Variants in ASH1L observed in about 807,000 individuals in gnomAD.
ASH1L encodes ASH1 like histone lysine methyltransferase.
In ASH1L, 23 loss-of-function variants were observed where a neutral mutation model predicts 269.0. The observed-to-expected ratio is 0.09, with a 90% CI of 0.06 to 0.12. ASH1L has a LOEUF of 0.12. Among genes scored for constraint, ASH1L ranks in the 10% least tolerant of loss-of-function variants. The pLI is 1.00. For missense variants in ASH1L, 2,912 were observed against 3,567.8 expected (o/e 0.82, Z 4.68); for synonymous variants, 1,187 against 1,253.5 (o/e 0.95, Z 1.12).
intron 1 of ASH1L, among the ~76,000 whole-genome samples, chr1:155,537,062 AAAAG>A (rs1047501167): frequency 3.9e-5 from 6 of 151,996 alleles, no homozygotes; most frequent in African/African-American, 7.2e-5. Flanking sequence ...AAAAAGGGAA[AAAAG>A]AAAGAAATTC....
intron 3 of ASH1L, 140 bp from the exon 4 acceptor site, chr1:155,460,038 T>C (rs1211697696): frequency 4.9e-6 from 3 of 607,266 alleles, no homozygotes; most frequent in African/African-American, 3.8e-5. Flanking sequence ...AACCTGATAT[T>C]AGGAGGAAAA....
At chr1:155,375,595 T>G (rs1313524467) in intron 10 of ASH1L, among the ~76,000 whole-genome samples, 1 of 152,022 alleles carries the variant, frequency 6.6e-6, no homozygotes, top group African/African-American at 2.4e-5. Context: ...GAGACCAGCG[T>G]GGTCAACATG....
chr1:155,339,361 T>C lies in ASH1L; in HGVS notation c.8468A>G (p.Tyr2823Cys). ...LTPKKDFSPH[Y>C]VPDNYKRNGG... Reference sequence around the variant, plus strand: ...ATTCCTCTTGTAGTTGTCTGGGACGTAATGAGGCTGCAGAGAAGAAAAGGA... The same window carrying C: ...ATTCCTCTTGTAGTTGTCTGGGACGCAATGAGGCTGCAGAGAAGAAAAGGA... Residue 2823 changes from tyrosine to cysteine, a missense_variant, in exon 26 of 28, where the codon TAC becomes TGC. Tyr to Cys is a radical substitution (Grantham distance 194, BLOSUM62 -2). Coordinates refer to ENST00000392403, the MANE Select transcript of ASH1L (RefSeq NM_018489.3). The C allele has an allele frequency of 6.2e-7, 1 of 1,613,690 alleles. No homozygotes were observed. The highest frequency in any genetic ancestry group is 8.5e-7 in the Non-Finnish European group (1 of 1,179,632).
chr1:155,337,548 T>C lies in ASH1L; in HGVS notation c.*112A>G. ...ACCTAATGTCAACAACATGGCCCCA[T>C]TCCCCTTGCCCAGATGGACCCTTCC... On this transcript the variant is annotated 3_prime_UTR_variant, in exon 28 of 28. Transcript: ENST00000392403. The C allele has an allele frequency of 1.2e-6, 1 of 834,658 alleles. No individual in the cohort carries two copies. Among genetic ancestry groups the C allele is most frequent in the Non-Finnish European group, 2.0e-6 (1 of 496,120 alleles). The allele number at this position is 834,658 out of a possible 1,614,324, so 51.7% of individuals were successfully genotyped here.
chr1:155,534,913 G>C (rs1026925216), intron 1 of ASH1L, among the ~76,000 whole-genome samples: 2 of 152,194 alleles, frequency 1.3e-5, no homozygotes, highest in African/African-American at 4.8e-5. Context: ...AATCTGGCCA[G>C]GTGCGGTGGC....
intron 7 of ASH1L, among the ~76,000 whole-genome samples, chr1:155,387,317 T>C (rs573903873): frequency 2.4e-4 from 37 of 152,300 alleles, no homozygotes; most frequent in African/African-American, 6.7e-4. Flanking sequence ...GTATATGCTG[T>C]AAGGAAGGGG....
At chr1:155,509,990 G>C (rs1244953637) in intron 2 of ASH1L, among the ~76,000 whole-genome samples, 1 of 152,122 alleles carries the variant, frequency 6.6e-6, no homozygotes, top group Non-Finnish European at 1.5e-5. Flanking sequence ...GAAGGAAGAA[G>C]GTCTTTCTAA....
chr1:155,533,856 C>G (rs948652002), intron 1 of ASH1L, among the ~76,000 whole-genome samples: 1 of 152,116 alleles, frequency 6.6e-6, no homozygotes, highest in African/African-American at 2.4e-5. Context: ...CCTCTCCAAC[C>G]ATTTCATCAT....
intron 1 of ASH1L, among the ~76,000 whole-genome samples, chr1:155,552,445 G>A (rs747615951): frequency 4.0e-5 from 6 of 149,860 alleles, no homozygotes; most frequent in Admixed American, 6.7e-5. Flanking sequence ...CAGCCTAGCC[G>A]ACAAGAGTGA....
chr1:155,522,538 C>T (rs1668959883), intron 1 of ASH1L, among the ~76,000 whole-genome samples: 1 of 152,128 alleles, frequency 6.6e-6, no homozygotes, highest in Non-Finnish European at 1.5e-5. Context: ...TCCCCAAATA[C>T]ACAAAATGTT....
chr1:155,391,073 G>A (rs1334907490), intron 7 of ASH1L, among the ~76,000 whole-genome samples: 1 of 152,008 alleles, frequency 6.6e-6, no homozygotes, highest in African/African-American at 2.4e-5. Context: ...AGCCTCCTGA[G>A]TAGCTGGGAA....
intron 17 of ASH1L, 24 bp downstream of exon 17, chr1:155,352,682 G>T: frequency 6.5e-7 from 1 of 1,549,156 alleles, no homozygotes; most frequent in Non-Finnish European, 8.7e-7. Flanking sequence ...AAAAAAGAAC[G>T]AATTTGAAGG....
intron 7 of ASH1L, among the ~76,000 whole-genome samples, chr1:155,393,958 G>A (rs571916788): frequency 3.9e-5 from 6 of 152,174 alleles, no homozygotes; most frequent in South Asian, 2.1e-4. Flanking sequence ...CTGTACTGCC[G>A]GAGATTATAA....
In ASH1L at chr1:155,470,390, C is replaced by T. The variant is rs370574524; in HGVS notation, c.4984+7496G>A. 2.8e-4 allele frequency among the ~76,000 whole-genome samples: 43 copies of T among 151,708 alleles called. 2 individuals carry two copies. In the East Asian group the frequency reaches 4.1e-3, roughly 14 times the overall value. ...AGGAGAATTGCTTGAGCCTGGGAGG[C>T]GGAGGTTGCAGTAAGCCAAGATTGT... is the stretch of plus-strand genomic sequence containing the variant. On this transcript the variant is annotated intron_variant, in intron 3 of 27. Transcript: ENST00000392403.
chr1:155,428,743 C>T (rs1045208288), intron 5 of ASH1L, among the ~76,000 whole-genome samples: 3 of 152,210 alleles, frequency 2.0e-5, no homozygotes, highest in Non-Finnish European at 4.4e-5. Flanking sequence ...TTATTTCGGC[C>T]CATCCCTTTG....
chr1:155,530,982 C>CTCAA (rs544481886), intron 1 of ASH1L, among the ~76,000 whole-genome samples: 100 of 152,088 alleles, frequency 6.6e-4, no homozygotes, highest in African/African-American at 2.3e-3. Flanking sequence ...GACACTCTGT[C>CTCAA]TCAATCAATC....
chr1:155,414,511 G>T (rs1395544988), intron 6 of ASH1L, among the ~76,000 whole-genome samples: 1 of 152,098 alleles, frequency 6.6e-6, no homozygotes, highest in African/African-American at 2.4e-5. Flanking sequence ...GTTTCTCCAT[G>T]TTGGTCAGGC....
intron 1 of ASH1L, among the ~76,000 whole-genome samples, chr1:155,546,893 T>G (rs1282757830): frequency 6.6e-6 from 1 of 152,058 alleles, no homozygotes; most frequent in East Asian, 1.9e-4. Context: ...CATTCACATT[T>G]TATGTGCATA....
intron 15 of ASH1L, among the ~76,000 whole-genome samples, 196 bp downstream of exon 15, chr1:155,357,116 CACAA>C (rs1347711104): frequency 7.1e-4 from 61 of 86,310 alleles, no homozygotes; most frequent in Non-Finnish European, 1.2e-3. Flanking sequence ...CACACACACA[CACAA>C]AAGGGTAAGA....
Sources: gnomAD v4.1 joint callset for allele counts (sites outside exome capture counted in the v4.1 genomes callset) on GRCh38, gnomAD v4.1.1 for gene constraint, MANE v1.5 for transcripts, NCBI Gene and HGNC (gene_info 2026-07-23, HGNC 2026-07-21) for gene names.